Variants in NUAK1 observed in about 807,000 individuals in gnomAD.
NUAK1 encodes NUAK family SNF1-like kinase 1.
NUAK1 carries 26 observed loss-of-function variants against 56.9 expected under a neutral mutation model. The observed-to-expected ratio is 0.46, with a 90% CI of 0.33 to 0.63. NUAK1 has a LOEUF of 0.63. Ranked by LOEUF, NUAK1 falls within the 30% of genes least tolerant of loss-of-function variation. The probability of loss-of-function intolerance (pLI) is 0.02; values close to 1 mark genes in which losing one functional copy is unlikely to be tolerated. For synonymous variants in NUAK1, 337 were observed against 336.0 expected (o/e 1.00, Z -0.03); for missense variants, 727 against 876.1 (o/e 0.83, Z 2.15).
At chr12:106,097,971 G>A (rs2032711394) in intron 2 of NUAK1, among the ~76,000 whole-genome samples, 1 of 152,182 alleles carries the variant, frequency 6.6e-6, no homozygotes, top group African/African-American at 2.4e-5. Flanking sequence ...CCTCTGCTGG[G>A]TTCTGCAGAA....
intron 4 of NUAK1, among the ~76,000 whole-genome samples, chr12:106,080,091 C>A (rs959801334): frequency 1.3e-5 from 2 of 152,228 alleles, no homozygotes; most frequent in African/African-American, 2.4e-5. Context: ...ACACAGAGCT[C>A]TCCCATTCAT....
At chr12:106,101,997 CA>C (rs201387522) in intron 2 of NUAK1, among the ~76,000 whole-genome samples, 245 of 152,216 alleles carry the variant, frequency 1.6e-3, no homozygotes, top group African/African-American at 5.4e-3. Context: ...TCCCAACCCC[CA>C]GGGAAGGGAG....
chr12:106,089,810 G>A (rs550823040), intron 2 of NUAK1, among the ~76,000 whole-genome samples: 12 of 151,922 alleles, frequency 7.9e-5, no homozygotes, highest in African/African-American at 2.4e-4. Flanking sequence ...AAAATATATC[G>A]CAGATCTGTC....
At position 106,086,805 on chromosome 12, in the gene NUAK1, G is replaced by A. The variant is rs773455181; in HGVS notation, c.442C>T (p.Arg148Ter). ...CGGGTCTCCCTCTCACTGAGGCGTC[G>A]CCGCTCACTGATGTAATCGTACAGC... ...GELYDYISER[R>*]RLSERETRHF... The change falls in exon 3 of 7, where the codon CGA (arginine) becomes TGA (stop). Residue 148 changes from arginine (R) to a stop codon, truncating the protein, a stop_gained. Coordinates refer to ENST00000261402, the MANE Select transcript of NUAK1 (RefSeq NM_014840.3). LOFTEE classifies it high-confidence loss of function. 6 of 1,614,078 alleles carry A rather than the reference G, an allele frequency of 3.7e-6. No homozygotes were observed. The highest frequency in any genetic ancestry group is 4.2e-6 in the Non-Finnish European group (5 of 1,179,960).
At chr12:106,086,651 T>C (rs1025952253) in intron 3 of NUAK1, 83 bp downstream of exon 3, 7 of 1,423,596 alleles carry the variant, frequency 4.9e-6, no homozygotes, top group Non-Finnish European at 6.6e-6. Context: ...CATGAACAGA[T>C]ATCACTTTTA....
chr12:106,123,672 T>C (rs942349156), intron 1 of NUAK1, among the ~76,000 whole-genome samples: 6 of 152,196 alleles, frequency 3.9e-5, no homozygotes, highest in Non-Finnish European at 7.3e-5. Flanking sequence ...GTACGAGGCA[T>C]TGTGCTTGGG....
intron 4 of NUAK1, 73 bp from the exon 5 acceptor site, chr12:106,072,916 C>A: frequency 6.4e-7 from 1 of 1,552,934 alleles, no homozygotes; most frequent in Non-Finnish European, 8.8e-7. Flanking sequence ...CAGTTCACAC[C>A]ACACAGCACA....
At chr12:106,075,286 A>AACACACACACACACACACACAC (rs370123170) in intron 4 of NUAK1, among the ~76,000 whole-genome samples, 9 of 134,006 alleles carry the variant, frequency 6.7e-5, no homozygotes, top group East Asian at 4.8e-4. Flanking sequence ...AGTATTAATC[A>AACACACACACACACACACACAC]ACACACACAC....
Position 106,138,280 on chromosome 12 carries a change from G to T in NUAK1, c.240+134C>A. The T allele has an allele frequency of 8.1e-7, 1 of 1,232,744 alleles. No individual in the cohort carries two copies. Among genetic ancestry groups the T allele is most frequent in the Non-Finnish European group, 1.1e-6 (1 of 914,630 alleles). The allele number at this position is 1,232,744 out of a possible 1,614,324, so 76.4% of individuals were successfully genotyped here. A position where few individuals can be genotyped will look rare whatever the true frequency, so the allele number is the denominator to read the frequency against. On this transcript the variant is annotated intron_variant, in intron 1 of 6. Transcript: ENST00000261402. This position sits in a 1 kb window ranked among gnomAD's most constrained non-coding sequence, Gnocchi z 5.0. ...GTGCTGGAGAAAGAGTGAGGAGTCTGTCTCGGGGCTTCCCAATGAGCCCCC... is the reference window on the plus strand; with the variant it reads ...GTGCTGGAGAAAGAGTGAGGAGTCTTTCTCGGGGCTTCCCAATGAGCCCCC...
At chr12:106,082,592 G>A (rs1008347360) in intron 4 of NUAK1, among the ~76,000 whole-genome samples, 1 of 152,196 alleles carries the variant, frequency 6.6e-6, no homozygotes, top group Non-Finnish European at 1.5e-5. Flanking sequence ...TAGACCCTGC[G>A]ATTCCACTTC....
chr12:106,132,508 A>C (rs923148189), intron 1 of NUAK1, among the ~76,000 whole-genome samples: 1 of 152,052 alleles, frequency 6.6e-6, no homozygotes, highest in African/African-American at 2.4e-5. Context: ...AGGAGGAAGC[A>C]AGATCAACAC....
intron 2 of NUAK1, among the ~76,000 whole-genome samples, chr12:106,088,333 C>T (rs1296048632): frequency 6.6e-6 from 1 of 152,192 alleles, no homozygotes; most frequent in Admixed American, 6.5e-5. Context: ...CCATCTCATC[C>T]ACTTTTCTAA....
intron 2 of NUAK1, among the ~76,000 whole-genome samples, chr12:106,100,186 G>C (rs2032733651): frequency 6.6e-6 from 1 of 151,252 alleles, no homozygotes; most frequent in African/African-American, 2.4e-5. Flanking sequence ...TTATTTTAAA[G>C]GTATAAATCA....
At position 106,067,150 on chromosome 12, in the gene NUAK1, G is replaced by A. The variant is rs1212441637; in HGVS notation, c.1638C>T (p.Pro546=). Residue 546 remains proline (P), a synonymous_variant, in exon 7 of 7, where the codon CCC becomes CCT. Coordinates refer to ENST00000261402, the MANE Select transcript of NUAK1 (RefSeq NM_014840.3). This position sits in a 1 kb window ranked among gnomAD's most constrained non-coding sequence, Gnocchi z 6.0. ...MDPALVSPEM[P]TLESLSEPGV... ...CAGGCTCTGACAGGGATTCCAGTGT[G>A]GGCATTTCAGGGCTGACCAGGGCTG... 2.5e-6 allele frequency: 4 copies of A among 1,614,204 alleles called. No homozygotes were observed. Among genetic ancestry groups the A allele is most frequent in the East Asian group, 4.5e-5 (2 of 44,882 alleles).
Position 106,066,762 on chromosome 12 carries a change from C to T in NUAK1, c.*40G>A. Reference sequence around the variant, plus strand: ...GTGAGCCCAAGTCTTGCTCCCCTTCCTCCCTCGTACCCCCGCCCGCCCCTG... The same window carrying T: ...GTGAGCCCAAGTCTTGCTCCCCTTCTTCCCTCGTACCCCCGCCCGCCCCTG... On this transcript the variant is annotated 3_prime_UTR_variant, in exon 7 of 7. Coordinates refer to ENST00000261402, the MANE Select transcript of NUAK1 (RefSeq NM_014840.3). The T allele has an allele frequency of 6.7e-7, 1 of 1,503,226 alleles. No individual in the cohort carries two copies. Among genetic ancestry groups the T allele is most frequent in the Non-Finnish European group, 9.1e-7 (1 of 1,101,352 alleles). 93.1% of individuals were successfully genotyped at this position (1,503,226 alleles called of 1,614,324 possible).
At chr12:106,103,887 T>G (rs564386904) in intron 2 of NUAK1, among the ~76,000 whole-genome samples, 6 of 152,176 alleles carry the variant, frequency 3.9e-5, no homozygotes, top group Admixed American at 3.9e-4. Context: ...GAAGAGGGAA[T>G]GTTTGCTTCC....
chr12:106,072,342 T>C (rs2032414584), intron 5 of NUAK1, among the ~76,000 whole-genome samples: 1 of 152,228 alleles, frequency 6.6e-6, no homozygotes, highest in African/African-American at 2.4e-5. Flanking sequence ...TGCCACAAGA[T>C]AGTTTTCATA....
At chr12:106,136,856 C>G (rs2033134187) in intron 1 of NUAK1, among the ~76,000 whole-genome samples, 1 of 152,200 alleles carries the variant, frequency 6.6e-6, no homozygotes. Flanking sequence ...ATGAAGTGCA[C>G]GTTTCCCAGC....
In NUAK1 at chr12:106,086,809, C is replaced by T. The variant is rs370845316; in HGVS notation, c.438G>A (p.Glu146=). ...TCTCCCTCTCACTGAGGCGTCGCCG[C>T]TCACTGATGTAATCGTACAGCTCCC... ...SKGELYDYIS[E]RRRLSERETR... is the part of the protein sequence containing the mutation. The change falls in exon 3 of 7, where the codon GAG becomes GAA. Residue 146 remains glutamate, a synonymous_variant. Coordinates refer to ENST00000261402, the MANE Select transcript of NUAK1 (RefSeq NM_014840.3). The T allele has an allele frequency of 3.8e-5, 62 of 1,614,052 alleles. 1 individual carries two copies. In the African/African-American group the frequency reaches 6.7e-4, roughly 17 times the overall value.
Sources: gnomAD v4.1 joint callset for allele counts (sites outside exome capture counted in the v4.1 genomes callset) on GRCh38, gnomAD v4.1.1 for gene constraint, Gnocchi (gnomAD v3.1) non-coding constraint, MANE v1.5 for transcripts, NCBI Gene and HGNC (gene_info 2026-07-23, HGNC 2026-07-21) for gene names.